CSMD1: variants seen among roughly 807,000 people sequenced by gnomAD.
CSMD1 encodes the protein CUB and sushi domain-containing protein 1.
In CSMD1, 213 loss-of-function variants were observed where a neutral mutation model predicts 417.5. That is an observed-to-expected ratio of 0.51 (90% CI 0.46 to 0.57). The LOEUF is 0.57. Ranked by LOEUF, CSMD1 falls within the 20% of genes least tolerant of loss-of-function variation. The pLI is 0.00. For synonymous variants in CSMD1, 2,862 were observed against 1,736.8 expected, an observed-to-expected ratio of 1.65 and a Z score of -16.11; for missense variants, 6,923 against 4,529.7, an observed-to-expected ratio of 1.53 and a Z score of -15.17.
At chr8:4,340,413 C>T (rs906912242) in intron 3 of CSMD1, among the ~76,000 whole-genome samples, 2 of 152,014 alleles carry the variant, frequency 1.3e-5, no homozygotes, top group African/African-American at 4.8e-5. Flanking sequence ...TTACCATTGG[C>T]CAAATAAACT....
chr8:4,127,993 G>C (rs760675260), intron 3 of CSMD1, among the ~76,000 whole-genome samples: 1 of 152,162 alleles, frequency 6.6e-6, no homozygotes, highest in Non-Finnish European at 1.5e-5. Context: ...CTTTGGGAAA[G>C]GGATGCTGTC....
chr8:3,970,993 C>A (rs975296689), intron 5 of CSMD1, among the ~76,000 whole-genome samples: 5 of 152,194 alleles, frequency 3.3e-5, no homozygotes, highest in Admixed American at 2.0e-4. Flanking sequence ...TCAGGTGATC[C>A]CCCCGCCTCA....
chr8:3,930,567 G>T (rs889172879), intron 5 of CSMD1, among the ~76,000 whole-genome samples: 3 of 150,268 alleles, frequency 2.0e-5, no homozygotes, highest in Non-Finnish European at 4.4e-5. Flanking sequence ...GACAAATACA[G>T]AATCTGAGGT....
chr8:4,953,271 A>C (rs1808870270), intron 1 of CSMD1, among the ~76,000 whole-genome samples: 1 of 152,170 alleles, frequency 6.6e-6, no homozygotes, highest in Non-Finnish European at 1.5e-5. Flanking sequence ...ATTTCTAAAT[A>C]GCCTAACTAA....
chr8:4,017,557 T>G (rs1014560884), intron 4 of CSMD1, among the ~76,000 whole-genome samples: 14 of 152,186 alleles, frequency 9.2e-5, no homozygotes, highest in African/African-American at 3.1e-4. Context: ...CCACCCACCT[T>G]GGTCTCCCAA....
chr8:4,514,632 G>A (rs1055563159), intron 2 of CSMD1, among the ~76,000 whole-genome samples: 4 of 152,076 alleles, frequency 2.6e-5, no homozygotes, highest in Non-Finnish European at 5.9e-5. Context: ...TTTTATAAAA[G>A]CAACATCAGC....
chr8:4,952,135 G>T (rs1465295486), intron 1 of CSMD1, among the ~76,000 whole-genome samples: 4 of 151,676 alleles, frequency 2.6e-5, no homozygotes, highest in Non-Finnish European at 5.9e-5. Flanking sequence ...TAAATATCTT[G>T]CACAAAATAA....
chr8:4,140,072 G>A (rs1169796203), intron 3 of CSMD1, among the ~76,000 whole-genome samples: 1 of 150,988 alleles, frequency 6.6e-6, no homozygotes, highest in South Asian at 2.1e-4. Flanking sequence ...TAAGACAATA[G>A]CCAGGTACAG....
chr8:3,139,631 G>A (rs964183117), intron 41 of CSMD1, among the ~76,000 whole-genome samples: 1 of 152,162 alleles, frequency 6.6e-6, no homozygotes, highest in Non-Finnish European at 1.5e-5. Flanking sequence ...CTGGAACTAT[G>A]TTTTAGAAAT....
intron 3 of CSMD1, among the ~76,000 whole-genome samples, chr8:4,195,828 G>A (rs1383199972): frequency 6.6e-6 from 1 of 152,150 alleles, no homozygotes; most frequent in Non-Finnish European, 1.5e-5. Context: ...GCCTGTAGAT[G>A]AGGAGGCAGT....
intron 6 of CSMD1, among the ~76,000 whole-genome samples, chr8:3,710,624 A>G (rs755064777): frequency 5.9e-5 from 9 of 151,932 alleles, no homozygotes; most frequent in African/African-American, 9.7e-5. Flanking sequence ...GTATTCTGAC[A>G]CACCTGGAGA....
In CSMD1 at chr8:3,727,324, C is replaced by T. The variant is rs555511923; in HGVS notation, c.932-18833G>A. On this transcript the variant is annotated intron_variant, in intron 6 of 69. Transcript: ENST00000635120. ...TCATCTGCAGAGCCTCCCGCCTGAA[C>T]GGTGGCACTGCAGTTCCCATAAATA... is the stretch of plus-strand genomic sequence containing the variant. Among the ~76,000 whole-genome samples, 163 of 152,306 alleles carry T rather than the reference C, an allele frequency of 1.1e-3. 5 individuals carry two copies. In the South Asian group the frequency reaches 0.017, roughly 16 times the overall value.
chr8:3,313,071 T>C (rs927549001), intron 23 of CSMD1, among the ~76,000 whole-genome samples: 1 of 152,224 alleles, frequency 6.6e-6, no homozygotes. Context: ...TCTATGATGT[T>C]AATTCTGCAC....
intron 26 of CSMD1, among the ~76,000 whole-genome samples, chr8:3,240,968 G>T (rs1005350390): frequency 6.6e-6 from 1 of 151,714 alleles, no homozygotes; most frequent in Non-Finnish European, 1.5e-5. Flanking sequence ...TATTGGCATT[G>T]AGCAGGGTAA....
At chr8:2,942,427 G>A (rs758217214) in intron 69 of CSMD1, 45 bp downstream of exon 69, 1 of 1,566,934 alleles carries the variant, frequency 6.4e-7, no homozygotes, top group Non-Finnish European at 8.7e-7. Flanking sequence ...TAAACCCATA[G>A]TTTACACTCA....
intron 23 of CSMD1, among the ~76,000 whole-genome samples, chr8:3,320,268 C>G (rs1181742146): frequency 6.6e-6 from 1 of 152,186 alleles, no homozygotes; most frequent in Non-Finnish European, 1.5e-5. Context: ...TGGGAGACAA[C>G]TGAGTTCTTC....
At chr8:4,429,828 G>C (rs1369767572) in intron 2 of CSMD1, among the ~76,000 whole-genome samples, 4 of 151,478 alleles carry the variant, frequency 2.6e-5, no homozygotes, top group Admixed American at 2.6e-4. Context: ...GATCTCATTG[G>C]CTCGGGAAGA....
chr8:3,920,182 T>A (rs770259110), intron 5 of CSMD1, among the ~76,000 whole-genome samples: 10 of 152,078 alleles, frequency 6.6e-5, no homozygotes, highest in Non-Finnish European at 1.3e-4. Context: ...TACAGGTGTG[T>A]GCCAGCATAT....
At chr8:4,905,607 C>A (rs1344860181) in intron 1 of CSMD1, among the ~76,000 whole-genome samples, 2 of 151,792 alleles carry the variant, frequency 1.3e-5, no homozygotes, top group Non-Finnish European at 2.9e-5. Flanking sequence ...ATCACGAGGT[C>A]ATGAGATCGA....
Sources: allele counts gnomAD v4.1 joint callset (sites outside exome capture counted in the v4.1 genomes callset), GRCh38; gene constraint gnomAD v4.1.1; transcripts MANE v1.5; gene names NCBI Gene and HGNC (gene_info 2026-07-23, HGNC 2026-07-21).